Variants in UACA observed in about 807,000 individuals in gnomAD.
The protein encoded by UACA is nuclear membrane binding protein.
UACA carries 112 observed loss-of-function variants against 160.5 expected under a neutral mutation model. That is an observed-to-expected ratio of 0.70 (90% confidence interval 0.60 to 0.82). The LOEUF (loss-of-function observed/expected upper bound fraction) is 0.82, where lower values mean the gene tolerates loss of function less well. Among genes scored for constraint, UACA ranks in the 40% least tolerant of loss-of-function variants. UACA has a pLI of 0.00. For synonymous variants in UACA, 557 were observed against 568.4 expected (o/e 0.98, Z 0.29); for missense variants, 1,574 against 1,614.6 (o/e 0.97, Z 0.43).
At chr15:70,705,559 A>T (rs1898502024) in intron 1 of UACA, among the ~76,000 whole-genome samples, 1 of 152,054 alleles carries the variant, frequency 6.6e-6, no homozygotes, top group Non-Finnish European at 1.5e-5. Flanking sequence ...TAAAATAAAA[A>T]AATAAAAATC....
intron 2 of UACA, 114 bp downstream of exon 2, chr15:70,699,412 GT>G (rs745318680): frequency 4.8e-4 from 593 of 1,228,374 alleles, no homozygotes; most frequent in Non-Finnish European, 6.1e-4. Flanking sequence ...TATAGTGCAG[GT>G]TTTGGCAGAA....
chr15:70,752,761 G>A lies in UACA; in HGVS notation c.78+10569C>T, dbSNP rs115030163. Among the ~76,000 whole-genome samples, 725 of 152,032 alleles carry A rather than the reference G, an allele frequency of 4.8e-3. 3 individuals are homozygous for A. The highest frequency in any genetic ancestry group is 0.017 in the African/African-American group (685 of 41,450). On this transcript the variant is annotated intron_variant, in intron 1 of 18. Transcript: ENST00000322954. ...TTAAAAACGCATCATCTCCTCAAAAGTGTACACAGTTGTAGATACACACAC... is the reference window on the plus strand; with the variant it reads ...TTAAAAACGCATCATCTCCTCAAAAATGTACACAGTTGTAGATACACACAC...
At chr15:70,754,793 T>G (rs2030315938) in intron 1 of UACA, among the ~76,000 whole-genome samples, 1 of 152,238 alleles carries the variant, frequency 6.6e-6, no homozygotes, top group South Asian at 2.1e-4. Context: ...TCTTGTGTTT[T>G]GGGGCTACAT....
intron 1 of UACA, among the ~76,000 whole-genome samples, chr15:70,735,624 T>C (rs964171124): frequency 4.6e-5 from 7 of 152,202 alleles, no homozygotes; most frequent in African/African-American, 9.6e-5. Flanking sequence ...ATGGACAATT[T>C]GCACATTCCA....
At chr15:70,679,583 GAC>G (rs757353952) in intron 10 of UACA, 23 bp downstream of exon 10, 1 of 1,499,328 alleles carries the variant, frequency 6.7e-7, no homozygotes, top group South Asian at 1.2e-5. Context: ...TTTAAAGGAA[GAC>G]ACCATTATTT....
intron 1 of UACA, among the ~76,000 whole-genome samples, chr15:70,735,946 G>A (rs899914047): frequency 7.9e-5 from 12 of 152,146 alleles, no homozygotes; most frequent in Admixed American, 4.6e-4. Flanking sequence ...AAAGTGTTGC[G>A]ATTACAGATG....
chr15:70,670,578 G>A (rs1192357322), intron 15 of UACA, among the ~76,000 whole-genome samples: 11 of 151,772 alleles, frequency 7.2e-5, no homozygotes, highest in African/African-American at 2.4e-4. Flanking sequence ...CCCCTCAGCC[G>A]AATCCTTTCC....
intron 1 of UACA, among the ~76,000 whole-genome samples, chr15:70,728,149 A>G (rs555447016): frequency 1.3e-5 from 2 of 152,350 alleles, no homozygotes; most frequent in South Asian, 4.1e-4. Context: ...TTCATTAAAT[A>G]CTACTGGGAT....
intron 5 of UACA, among the ~76,000 whole-genome samples, chr15:70,688,421 T>G (rs146672075): frequency 6.6e-6 from 1 of 152,134 alleles, no homozygotes; most frequent in Non-Finnish European, 1.5e-5. Flanking sequence ...CCCCATGAAT[T>G]TTTTAAGCCT....
intron 2 of UACA, among the ~76,000 whole-genome samples, chr15:70,697,808 T>C (rs1273550659): frequency 6.6e-6 from 1 of 152,160 alleles, no homozygotes; most frequent in African/African-American, 2.4e-5. Flanking sequence ...CCCAGTACTT[T>C]GGGAGGCTGA....
At chr15:70,663,827 C>T (rs1349971584) in intron 17 of UACA, among the ~76,000 whole-genome samples, 1 of 130,998 alleles carries the variant, frequency 7.6e-6, no homozygotes, top group Non-Finnish European at 1.5e-5. Flanking sequence ...AGTGAGAACA[C>T]ATGGACACAG....
chr15:70,738,007 TC>T (rs1899420536), intron 1 of UACA, among the ~76,000 whole-genome samples: 1 of 152,320 alleles, frequency 6.6e-6, no homozygotes, highest in East Asian at 1.9e-4. Context: ...CCTACATCTT[TC>T]CGGGACTTCC....
chr15:70,752,561 G>C (rs2030152161), intron 1 of UACA, among the ~76,000 whole-genome samples: 1 of 150,316 alleles, frequency 6.7e-6, no homozygotes, highest in Non-Finnish European at 1.5e-5. Flanking sequence ...TCTCTCTCTA[G>C]AGCTCTCTTG....
At chr15:70,679,151 C>G (rs935972813) in intron 10 of UACA, among the ~76,000 whole-genome samples, 3 of 151,952 alleles carry the variant, frequency 2.0e-5, no homozygotes, top group Admixed American at 6.6e-5. Flanking sequence ...GCTTGTAATC[C>G]CAACACTTTG....
intron 17 of UACA, chr15:70,661,405 G>A (rs916121143): frequency 1.3e-5 from 2 of 151,954 alleles, no homozygotes; most frequent in African/African-American, 4.8e-5. Context: ...CTTAGCACAG[G>A]GTCATGAACA....
chr15:70,704,402 C>T (rs771967571), intron 1 of UACA, among the ~76,000 whole-genome samples: 8 of 152,156 alleles, frequency 5.3e-5, no homozygotes, highest in Admixed American at 1.3e-4. Flanking sequence ...TCCTACTGCT[C>T]ATGGTCGATA....
chr15:70,717,510 A>T (rs1185118738), intron 1 of UACA, among the ~76,000 whole-genome samples: 1 of 152,202 alleles, frequency 6.6e-6, no homozygotes, highest in Non-Finnish European at 1.5e-5. Context: ...GCTGTTTTCC[A>T]CTAAAGCTTT....
intron 1 of UACA, among the ~76,000 whole-genome samples, chr15:70,752,109 G>C (rs999703069): frequency 6.6e-6 from 1 of 151,708 alleles, no homozygotes; most frequent in Non-Finnish European, 1.5e-5. Flanking sequence ...GTGGTGGCGC[G>C]TGCCCATAAT....
intron 7 of UACA, among the ~76,000 whole-genome samples, chr15:70,687,016 T>C (rs1897750071): frequency 6.6e-6 from 1 of 152,130 alleles, no homozygotes; most frequent in South Asian, 2.1e-4. Flanking sequence ...ACCTCTGCAG[T>C]ACAGAAATGG....
Sources: allele counts gnomAD v4.1 joint callset (sites outside exome capture counted in the v4.1 genomes callset), GRCh38; gene constraint gnomAD v4.1.1; transcripts MANE v1.5; gene names NCBI Gene and HGNC (gene_info 2026-07-23, HGNC 2026-07-21).